PLEKHG1: variants seen among roughly 807,000 people sequenced by gnomAD.
The protein encoded by PLEKHG1 is pleckstrin homology domain-containing family G member 1.
In PLEKHG1, 44 loss-of-function variants were observed where a neutral mutation model predicts 100.8. The ratio of observed to expected loss-of-function variants is 0.44; its 90% CI spans 0.34 to 0.56. The LOEUF (loss-of-function observed/expected upper bound fraction) is 0.56, where lower values mean the gene tolerates loss of function less well. Among genes scored for constraint, PLEKHG1 ranks in the 20% least tolerant of loss-of-function variants. The pLI is 0.01. For missense variants in PLEKHG1, 1,545 were observed against 1,720.9 expected (o/e 0.90, Z 1.81); for synonymous variants, 640 against 662.5 (o/e 0.97, Z 0.52).
chr6:150,741,280 C>T (rs371402606), intron 2 of PLEKHG1, among the ~76,000 whole-genome samples: 7 of 152,114 alleles, frequency 4.6e-5, no homozygotes, highest in African/African-American at 1.4e-4. Flanking sequence ...AAGTAGCTGT[C>T]GGCTGAACAC....
At chr6:150,625,143 CA>C (rs5880888) in intron 1 of PLEKHG1, among the ~76,000 whole-genome samples, 60,729 of 146,732 alleles carry the variant, frequency 0.41, 12,266 homozygotes, top group East Asian at 0.49. Flanking sequence ...GACTCCATCT[CA>C]AAAAAAAAAA....
intron 10 of PLEKHG1, among the ~76,000 whole-genome samples, chr6:150,811,580 A>G (rs1389150310): frequency 6.6e-6 from 1 of 151,626 alleles, no homozygotes; most frequent in African/African-American, 2.4e-5. Context: ...TCTTAGGAAT[A>G]TTTTTATTAA....
In PLEKHG1 at chr6:150,752,933, G is replaced by A. The variant is rs539416336; in HGVS notation, c.412-15705G>A. ...TAAAAGCCAGCCTCGGCAACATGGC[G>A]AAACCCTGTCTCTACAAAAAAATAC... is the stretch of plus-strand genomic sequence containing the variant. On this transcript the variant is annotated intron_variant, in intron 2 of 15. Transcript: ENST00000358517. Among the ~76,000 whole-genome samples the A allele has an allele frequency of 5.3e-5, 8 of 152,158 alleles. No individual in the cohort carries two copies. In the East Asian group the frequency reaches 7.7e-4, roughly 15 times the overall value.
chr6:150,786,683 C>G (rs1785641011), intron 4 of PLEKHG1, among the ~76,000 whole-genome samples: 1 of 152,008 alleles, frequency 6.6e-6, no homozygotes, highest in Admixed American at 6.6e-5. Context: ...TAATGTTACT[C>G]TTTGCTGGGA....
At chr6:150,764,172 C>T (rs1348331087) in intron 2 of PLEKHG1, among the ~76,000 whole-genome samples, 1 of 148,366 alleles carries the variant, frequency 6.7e-6, no homozygotes, top group African/African-American at 2.5e-5. Flanking sequence ...GGCTGGAGTG[C>T]AGTGGTGCAA....
rs1332569334 is a variant in PLEKHG1 at position 150,742,586 on chromosome 6, AAAAAAAG to A, written c.411+8496_411+8502del. ...TCTCAAAAAAAAAAAAAAAAAAAAAAAAAAAAGAGCGCAGGGAGGGCCCGCACACTCA... is the reference window on the plus strand; with the variant it reads ...TCTCAAAAAAAAAAAAAAAAAAAAAAAGCGCAGGGAGGGCCCGCACACTCA... On this transcript the variant is annotated intron_variant, in intron 2 of 15. Coordinates refer to ENST00000358517, the Ensembl canonical transcript of PLEKHG1. 4.4e-3 allele frequency among the ~76,000 whole-genome samples: 654 copies of A among 149,132 alleles called. 12 individuals carry two copies. Among genetic ancestry groups the A allele is most frequent in the African/African-American group, 0.015 (610 of 39,804 alleles).
intron 2 of PLEKHG1, among the ~76,000 whole-genome samples, chr6:150,642,128 C>T (rs2128568732): frequency 6.6e-6 from 1 of 152,166 alleles, no homozygotes; most frequent in South Asian, 2.1e-4. Flanking sequence ...AACCTAATGT[C>T]CTGTTTCCCC....
Position 150,832,350 on chromosome 6 carries a change from T to C in PLEKHG1, c.3094+145T>C, listed in dbSNP as rs552612565. On this transcript the variant is annotated intron_variant, in intron 15 of 15. Transcript: ENST00000358517. ...CAAAGTAAGACCACAGACAAAGCCA[T>C]ACTGGCCTTTCTCACATCGCCTCCT... is the stretch of plus-strand genomic sequence containing the variant. The C allele has an allele frequency of 9.0e-6, 6 of 665,290 alleles. No individual in the cohort carries two copies. The South Asian group carries it at 1.3e-4, about 14-fold the overall frequency. The allele number at this position is 665,290 out of a possible 1,614,324, so 41.2% of individuals were successfully genotyped here.
At chr6:150,780,542 T>A (rs926212732) in intron 3 of PLEKHG1, among the ~76,000 whole-genome samples, 1 of 152,188 alleles carries the variant, frequency 6.6e-6, no homozygotes, top group Non-Finnish European at 1.5e-5. Context: ...CTCTCACAGG[T>A]GTAGCATTTA....
intron 3 of PLEKHG1, among the ~76,000 whole-genome samples, chr6:150,710,485 G>C (rs1781204240): frequency 6.6e-6 from 1 of 152,116 alleles, no homozygotes; most frequent in South Asian, 2.1e-4. Flanking sequence ...CAGAGTCATG[G>C]TTACCGCCCA....
intron 3 of PLEKHG1, among the ~76,000 whole-genome samples, chr6:150,661,531 C>G (rs1779194508): frequency 6.6e-6 from 1 of 152,168 alleles, no homozygotes; most frequent in Non-Finnish European, 1.5e-5. Flanking sequence ...TTTAACTCAT[C>G]CTGTGCCTGA....
intron 14 of PLEKHG1, among the ~76,000 whole-genome samples, chr6:150,825,402 C>A (rs554704003): frequency 1.3e-5 from 2 of 152,116 alleles, no homozygotes; most frequent in South Asian, 2.1e-4. Flanking sequence ...CATGGCAAAA[C>A]CCCCTCTCTA....
chr6:150,818,083 A>T (rs919826449), intron 10 of PLEKHG1, 100 bp from the exon 12 acceptor site: 39 of 942,530 alleles, frequency 4.1e-5, no homozygotes, highest in Non-Finnish European at 6.5e-5. Flanking sequence ...AAACGTTTTT[A>T]AAAATCTATT....
intron 14 of PLEKHG1, among the ~76,000 whole-genome samples, chr6:150,827,307 C>T (rs1231870757): frequency 1.4e-5 from 2 of 138,826 alleles, no homozygotes; most frequent in East Asian, 2.1e-4. Context: ...GATAGAGTTT[C>T]GCTCTTGTTG....
intron 10 of PLEKHG1, among the ~76,000 whole-genome samples, chr6:150,815,792 T>C (rs1344975764): frequency 6.6e-6 from 1 of 152,220 alleles, no homozygotes; most frequent in Non-Finnish European, 1.5e-5. Context: ...AAGTTATTTT[T>C]AGCATAGTGT....
intron 3 of PLEKHG1, among the ~76,000 whole-genome samples, chr6:150,654,072 C>G (rs1042304464): frequency 6.6e-6 from 1 of 152,136 alleles, no homozygotes; most frequent in African/African-American, 2.4e-5. Flanking sequence ...GCCTTCTTGT[C>G]CAGGGTTTCA....
chr6:150,717,427 A>G (rs527570036), upstream of PLEKHG1, among the ~76,000 whole-genome samples: 141 of 151,376 alleles, frequency 9.3e-4, no homozygotes, highest in Non-Finnish European at 1.8e-3. Flanking sequence ...CCTTCCTTCC[A>G]TCTCAGCCTC....
intron 13 of PLEKHG1, among the ~76,000 whole-genome samples, chr6:150,823,022 G>A (rs1776392230): frequency 6.6e-6 from 1 of 152,180 alleles, no homozygotes; most frequent in Non-Finnish European, 1.5e-5. Context: ...GTTATGGTGG[G>A]ATGGGAGTAG....
intron 2 of PLEKHG1, among the ~76,000 whole-genome samples, chr6:150,742,125 C>A (rs887432390): frequency 6.6e-6 from 1 of 152,198 alleles, no homozygotes; most frequent in Non-Finnish European, 1.5e-5. Flanking sequence ...ATACCTGAGA[C>A]TGGGTAATTT....
Sources: gnomAD v4.1 joint callset for allele counts (sites outside exome capture counted in the v4.1 genomes callset) on GRCh38, gnomAD v4.1.1 for gene constraint, MANE v1.5 for transcripts, NCBI Gene and HGNC (gene_info 2026-07-23, HGNC 2026-07-21) for gene names.